WWOX: variants seen among roughly 807,000 people sequenced by gnomAD.
WWOX encodes WW domain containing oxidoreductase, also known as WW domain-containing oxidoreductase.
In WWOX, 69 loss-of-function variants were observed where a neutral mutation model predicts 46.2. The ratio of observed to expected loss-of-function variants is 1.49; its 90% confidence interval spans 1.23 to 1.82. The LOEUF (loss-of-function observed/expected upper bound fraction) is 1.82, where lower values mean the gene tolerates loss of function less well. Among genes scored for constraint, WWOX ranks in the 40% most tolerant of loss-of-function variants. The pLI, the probability that WWOX is intolerant of heterozygous loss-of-function variation, is 0.00. For missense variants in WWOX, 919 were observed against 542.6 expected, an observed-to-expected ratio of 1.69 and a Z score of -6.89; for synonymous variants, 359 against 202.6, an observed-to-expected ratio of 1.77 and a Z score of -6.56.
At chr16:78,389,025 G>A (rs1466477409) in intron 6 of WWOX, among the ~76,000 whole-genome samples, 8 of 151,486 alleles carry the variant, frequency 5.3e-5, no homozygotes, top group African/African-American at 1.7e-4. Flanking sequence ...AGTGTCCCAA[G>A]TCACTGAGGT....
intron 6 of WWOX, among the ~76,000 whole-genome samples, chr16:78,413,389 G>T (rs1200762590): frequency 6.6e-6 from 1 of 152,164 alleles, no homozygotes; most frequent in African/African-American, 2.4e-5. Context: ...AAGGGTGATG[G>T]GATTGTCATT....
At chr16:79,032,095 G>A (rs1256139647) in intron 8 of WWOX, among the ~76,000 whole-genome samples, 2 of 144,004 alleles carry the variant, frequency 1.4e-5, no homozygotes, top group East Asian at 3.9e-4. Context: ...TATATATTAT[G>A]TATAGATAAT....
intron 5 of WWOX, among the ~76,000 whole-genome samples, chr16:78,312,014 T>C (rs1192370964): frequency 6.6e-6 from 1 of 152,154 alleles, no homozygotes; most frequent in African/African-American, 2.4e-5. Flanking sequence ...TGTTCCTCGA[T>C]CCATGGCTCC....
At chr16:78,567,552 CAAAAAAAAAAAAAAAAA>C (rs71272440) in intron 8 of WWOX, among the ~76,000 whole-genome samples, 2 of 52,136 alleles carry the variant, frequency 3.8e-5, no homozygotes, top group East Asian at 1.4e-3. Context: ...GACTCCGTCT[CAAAAAAAAAAAAAAAAA>C]AAAAAAGAAG....
At chr16:78,877,544 C>A (rs2044259294) in intron 8 of WWOX, among the ~76,000 whole-genome samples, 1 of 152,220 alleles carries the variant, frequency 6.6e-6, no homozygotes, top group South Asian at 2.1e-4. Flanking sequence ...AGCCTTGCAC[C>A]CTCTCTTCCT....
intron 5 of WWOX, among the ~76,000 whole-genome samples, chr16:78,208,272 A>G (rs1230504438): frequency 2.0e-5 from 3 of 152,220 alleles, no homozygotes. Flanking sequence ...AATGTAGGAG[A>G]TAACGAAGGC....
chr16:78,400,387 G>A (rs751159681), intron 6 of WWOX, among the ~76,000 whole-genome samples: 23 of 152,144 alleles, frequency 1.5e-4, no homozygotes, highest in Non-Finnish European at 3.2e-4. Flanking sequence ...AGACTGACAG[G>A]GCGGTTCCCC....
Position 78,678,487 on chromosome 16 carries a change from G to A in WWOX, c.1056+245735G>A, listed in dbSNP as rs576338163. Among the ~76,000 whole-genome samples the A allele has an allele frequency of 8.3e-4, 127 of 152,312 alleles. 5 individuals carry two copies. In the South Asian group the frequency reaches 0.025, roughly 31 times the overall value. On this transcript the variant is annotated intron_variant, in intron 8 of 8. Transcript: ENST00000566780. ...AAACATTTGAGCACCTGTTTGTTCA[G>A]GGCCACGTGCTGGTTGCAACCTGGA...
chr16:78,241,719 C>G (rs1726838271), intron 5 of WWOX, among the ~76,000 whole-genome samples: 1 of 152,168 alleles, frequency 6.6e-6, no homozygotes, highest in Admixed American at 6.5e-5. Flanking sequence ...GGATTACAGG[C>G]GTGAACCACC....
At chr16:78,816,767 G>A (rs1324669472) in intron 8 of WWOX, among the ~76,000 whole-genome samples, 2 of 151,936 alleles carry the variant, frequency 1.3e-5, no homozygotes, top group Admixed American at 6.6e-5. Context: ...TGATTTTGTG[G>A]CTCAGTTTTT....
chr16:78,707,223 G>A (rs956427752), intron 8 of WWOX, among the ~76,000 whole-genome samples: 1 of 152,124 alleles, frequency 6.6e-6, no homozygotes, highest in Non-Finnish European at 1.5e-5. Flanking sequence ...AGCACCATCA[G>A]TCTTTTGGGA....
At chr16:78,442,600 C>T (rs1290682165) in intron 8 of WWOX, among the ~76,000 whole-genome samples, 5 of 152,114 alleles carry the variant, frequency 3.3e-5, no homozygotes, top group African/African-American at 1.2e-4. Flanking sequence ...GCTTCTCTTC[C>T]CATTGTTTAT....
chr16:78,996,716 A>G (rs753861644), intron 8 of WWOX, among the ~76,000 whole-genome samples: 4 of 152,134 alleles, frequency 2.6e-5, no homozygotes, highest in Non-Finnish European at 5.9e-5. Flanking sequence ...GACAGAAAGT[A>G]AACAGCCCAT....
At position 78,510,770 on chromosome 16, in the gene WWOX, C is replaced by A. The variant is rs1002819110; in HGVS notation, c.1056+78018C>A. The stretch of plus-strand genomic sequence containing the variant: ...ATATGTGTGTATATTCACACACACC[C>A]TTTCATTTTGGCAGGAGTGTTTGTT... On this transcript the variant is annotated intron_variant, in intron 8 of 8. Coordinates refer to ENST00000566780, the MANE Select transcript of WWOX (RefSeq NM_016373.4). Among the ~76,000 whole-genome samples, 10 of 152,328 alleles carry A rather than the reference C, an allele frequency of 6.6e-5. No individual in the cohort carries two copies. In the South Asian group the frequency reaches 8.3e-4, roughly 13 times the overall value.
intron 8 of WWOX, among the ~76,000 whole-genome samples, chr16:79,110,092 G>C (rs1260313392): frequency 6.6e-6 from 1 of 152,092 alleles, no homozygotes; most frequent in Non-Finnish European, 1.5e-5. Flanking sequence ...CTTTCGCTTA[G>C]CAACCTCATT....
intron 8 of WWOX, among the ~76,000 whole-genome samples, chr16:78,578,276 A>ATTTTTT (rs2044948523): frequency 9.1e-5 from 3 of 32,932 alleles, no homozygotes; most frequent in African/African-American, 3.9e-4. Flanking sequence ...ATATATATAT[A>ATTTTTT]TATATATATT....
chr16:78,242,385 C>G (rs564051004), intron 5 of WWOX, among the ~76,000 whole-genome samples: 61 of 152,200 alleles, frequency 4.0e-4, no homozygotes, highest in Non-Finnish European at 6.5e-4. Flanking sequence ...CTTTGGCAAA[C>G]ATTAACACAA....
intron 8 of WWOX, among the ~76,000 whole-genome samples, chr16:79,144,297 C>T (rs758746943): frequency 1.9e-4 from 29 of 152,214 alleles, no homozygotes; most frequent in Non-Finnish European, 4.0e-4. Flanking sequence ...CCTGTCAAGA[C>T]TTCAGTCCCT....
chr16:79,209,013 G>A lies in WWOX; in HGVS notation c.1057-2595G>A, dbSNP rs1334030863. Among the ~76,000 whole-genome samples, 7 of 152,330 alleles carry A rather than the reference G, an allele frequency of 4.6e-5. 1 individual carries two copies. The highest frequency in any genetic ancestry group is 6.8e-3 in the Middle Eastern group (2 of 294). ...ATTGATTTTTGGAGTAGAGAAGGTCGTCTTTGCTTTCGGGTGCCCCTCCTG... is the reference window on the plus strand; with the variant it reads ...ATTGATTTTTGGAGTAGAGAAGGTCATCTTTGCTTTCGGGTGCCCCTCCTG... On this transcript the variant is annotated intron_variant, in intron 8 of 8. Transcript: ENST00000566780.
Sources: gnomAD v4.1 joint callset for allele counts (sites outside exome capture counted in the v4.1 genomes callset) on GRCh38, gnomAD v4.1.1 for gene constraint, MANE v1.5 for transcripts, NCBI Gene and HGNC (gene_info 2026-07-23, HGNC 2026-07-21) for gene names.